Variants in ZNF239 observed in about 807,000 individuals in gnomAD.
ZNF239 encodes zinc finger protein (C2H2) homologous to mouse MOK-2.
ZNF239 carries 16 observed loss-of-function variants against 27.5 expected under a neutral mutation model. The ratio of observed to expected loss-of-function variants is 0.58; its 90% CI spans 0.39 to 0.88. The LOEUF is 0.88. ZNF239 is among the 40% of genes least tolerant of loss of function. The probability of loss-of-function intolerance (pLI) is 0.00; values close to 1 mark genes in which losing one functional copy is unlikely to be tolerated. For missense variants in ZNF239, 527 were observed against 551.9 expected (o/e 0.95, Z 0.45); for synonymous variants, 199 against 192.6 (o/e 1.03, Z -0.27).
chr10:43,557,052 C>G lies in ZNF239; in HGVS notation c.1028G>C (p.Gly343Ala). ...CTCACCACACTTGTAGGGCCTCTCT[C>G]CTGTGTGTACTCGCTGGTGGATGTG... Reference protein sequence around the residue: ...NLHIHQRVHTGERPYKCGECG... With the variant: ...NLHIHQRVHTAERPYKCGECG... The change falls in exon 4 of 4, where the codon GGA (glycine) becomes GCA (alanine). Residue 343 changes from glycine (G) to alanine (A), a missense_variant. Physicochemically the swap from Gly to Ala is moderately conservative, Grantham distance 60. Transcript: ENST00000374446. 6.2e-7 allele frequency: 1 copy of G among 1,611,964 alleles called. No individual in the cohort carries two copies. Among genetic ancestry groups the G allele is most frequent in the Non-Finnish European group, 8.5e-7 (1 of 1,179,448 alleles).
chr10:43,570,203 G>GTTA, intron 2 of ZNF239: 1 of 985,356 alleles, frequency 1.0e-6, no homozygotes, highest in Non-Finnish European at 1.2e-6. Context: ...GAAGGATGAG[G>GTTA]GTAAAGATGA....
chr10:43,565,431 C>T (rs1837564258), intron 3 of ZNF239, among the ~76,000 whole-genome samples: 3 of 152,234 alleles, frequency 2.0e-5, no homozygotes, highest in South Asian at 2.1e-4. Context: ...AAAAACAATC[C>T]TACCTGACAA....
At chr10:43,574,259 G>A (rs940283825) in intron 1 of ZNF239, among the ~76,000 whole-genome samples, 5 of 152,222 alleles carry the variant, frequency 3.3e-5, no homozygotes, top group African/African-American at 7.2e-5. Flanking sequence ...GCCAGAGCTC[G>A]GCCAGGAGGG....
chr10:43,561,334 A>AAAAAC (rs1554809459), intron 3 of ZNF239, among the ~76,000 whole-genome samples: 1 of 150,846 alleles, frequency 6.6e-6, no homozygotes, highest in Non-Finnish European at 1.5e-5. Context: ...CTTCAAGGAA[A>AAAAAC]AAACAAACAA....
chr10:43,565,152 C>T (rs1010386181), intron 3 of ZNF239, among the ~76,000 whole-genome samples: 5 of 152,066 alleles, frequency 3.3e-5, no homozygotes, highest in Admixed American at 1.3e-4. Context: ...GGCACGATCT[C>T]GGCTCACTGC....
intron 3 of ZNF239, among the ~76,000 whole-genome samples, chr10:43,559,150 C>T (rs951428721): frequency 6.6e-6 from 1 of 152,012 alleles, no homozygotes; most frequent in East Asian, 1.9e-4. Context: ...GAATGTGCCA[C>T]GGAGGGGAAG....
chr10:43,566,644 G>A (rs1173683402), intron 3 of ZNF239, among the ~76,000 whole-genome samples: 1 of 152,096 alleles, frequency 6.6e-6, no homozygotes, highest in Non-Finnish European at 1.5e-5. Flanking sequence ...AAGTTCATAT[G>A]GTTCAACCTA....
chr10:43,572,042 A>C (rs1838066496), intron 2 of ZNF239, among the ~76,000 whole-genome samples: 1 of 152,218 alleles, frequency 6.6e-6, no homozygotes, highest in African/African-American at 2.4e-5. Flanking sequence ...TGACTTACCC[A>C]ATGTCACAGA....
intron 1 of ZNF239, 24 bp from the exon 2 acceptor site, chr10:43,573,701 G>C (rs1838177399): frequency 1.0e-6 from 1 of 978,950 alleles, no homozygotes; most frequent in African/African-American, 1.8e-5. Context: ...GTTAGGGAAA[G>C]AGAAAAAGCC....
intron 2 of ZNF239, 100 bp from the exon 3 acceptor site, chr10:43,568,121 TAGA>T (rs1837799633): frequency 3.0e-6 from 3 of 985,616 alleles, no homozygotes; most frequent in East Asian, 1.1e-4. Context: ...AAGAAAGGTA[TAGA>T]AGAAGTTTGC....
intron 3 of ZNF239, among the ~76,000 whole-genome samples, chr10:43,565,076 A>C (rs1837536479): frequency 2.6e-5 from 4 of 151,876 alleles, no homozygotes; most frequent in Admixed American, 2.0e-4. Flanking sequence ...GGACACAACA[A>C]ATCTTTTTAT....
Position 43,560,533 on chromosome 10 carries a change from G to C in ZNF239, c.-92-2362C>G, listed in dbSNP as rs73262955. Among the ~76,000 whole-genome samples, 276 of 148,178 alleles carry C rather than the reference G, an allele frequency of 1.9e-3. 1 individual carries two copies. Among genetic ancestry groups the C allele is most frequent in the African/African-American group, 6.3e-3 (259 of 41,122 alleles). On this transcript the variant is annotated intron_variant, in intron 3 of 3. Transcript: ENST00000374446. ...CAGCCCTAGCCCTTAGCCCATCCGT[G>C]GGGCCAGTTTACTGCCTGGGTAGTC...
In ZNF239 at chr10:43,557,604, C is replaced by A. The variant is rs760713605; in HGVS notation, c.476G>T (p.Gly159Val). 6.2e-7 allele frequency: 1 copy of A among 1,614,186 alleles called. No homozygotes were observed. The highest frequency in any genetic ancestry group is 1.7e-5 in the Admixed American group (1 of 60,030). Residue 159 changes from glycine to valine, a missense_variant, in exon 4 of 4, where the codon GGA becomes GTA. Gly to Val is a moderately radical substitution (Grantham distance 109). Coordinates refer to ENST00000374446, the MANE Select transcript of ZNF239 (RefSeq NM_001099282.2). ...PIDCNCKDIH[G>V]WKSQVVSCSQ... ...ACAACTGACCACCTGTGATTTCCATCCATGAATGTCTTTGCAGTTACAGTC... is the reference window on the plus strand; with the variant it reads ...ACAACTGACCACCTGTGATTTCCATACATGAATGTCTTTGCAGTTACAGTC...
intron 3 of ZNF239, among the ~76,000 whole-genome samples, chr10:43,566,060 G>C (rs551510100): frequency 1.2e-4 from 18 of 152,072 alleles, no homozygotes; most frequent in Non-Finnish European, 2.6e-4. Context: ...CTTCCAAGTG[G>C]GCAATTTTGG....
Position 43,557,268 on chromosome 10 carries a change from C to T in ZNF239, c.812G>A (p.Gly271Asp), listed in dbSNP as rs769094106. The T allele has an allele frequency of 2.0e-5, 33 of 1,614,022 alleles. No homozygotes were observed. Among genetic ancestry groups the T allele is most frequent in the Admixed American group, 2.0e-4 (12 of 60,006 alleles). The part of the protein sequence containing the change: ...KPYKCDKCGK[G>D]FTRSSSLLIH... ...GAGCAGACTTGAGCTCCTGGTGAAGCCCTTCCCACACTTGTCACACTTATA... is the reference window on the plus strand; with the variant it reads ...GAGCAGACTTGAGCTCCTGGTGAAGTCCTTCCCACACTTGTCACACTTATA... Residue 271 changes from glycine to aspartate, a missense_variant, in exon 4 of 4, where the codon GGC becomes GAC. By Grantham distance (94) the Gly-to-Asp change is moderately conservative (BLOSUM62 -1). Transcript: ENST00000374446.
intron 2 of ZNF239, chr10:43,570,348 C>T (rs1236328437): frequency 1.0e-6 from 1 of 985,392 alleles, no homozygotes; most frequent in Non-Finnish European, 1.2e-6. Context: ...AGGTTGCTGC[C>T]TTCAAGCTCC....
rs924796545 is a variant in ZNF239 at position 43,559,484 on chromosome 10, T to C, written c.-92-1313A>G. Among the ~76,000 whole-genome samples, 81 of 152,160 alleles carry C rather than the reference T, an allele frequency of 5.3e-4. 4 individuals are homozygous for C. The highest frequency in any genetic ancestry group is 1.6e-4 in the Non-Finnish European group (11 of 68,036). On this transcript the variant is annotated intron_variant, in intron 3 of 3. Transcript: ENST00000374446. ...TGAGTGACGGTATGGTGGTGCTATA[T>C]AATCAGATAGGAAATGCAACAGGAA...
chr10:43,570,316 TGG>T, intron 2 of ZNF239: 4 of 985,272 alleles, frequency 4.1e-6, no homozygotes, highest in South Asian at 4.7e-5. Flanking sequence ...GGAGTAAAGG[TGG>T]GACAAACAAA....
chr10:43,574,089 G>C (rs1033969374), intron 1 of ZNF239, among the ~76,000 whole-genome samples: 2 of 152,210 alleles, frequency 1.3e-5, no homozygotes, highest in African/African-American at 4.8e-5. Flanking sequence ...TCAGATGCAA[G>C]CTCTTTTCAG....
Sources: allele counts gnomAD v4.1 joint callset (sites outside exome capture counted in the v4.1 genomes callset), GRCh38; gene constraint gnomAD v4.1.1; transcripts MANE v1.5; gene names NCBI Gene and HGNC (gene_info 2026-07-23, HGNC 2026-07-21).